The following IQSEC1 variants were observed in gnomAD, a reference collection of about 807,000 sequenced individuals.
The protein encoded by IQSEC1 is IQ motif and Sec7 domain ArfGEF 1, also known as IQ motif and SEC7 domain-containing protein 1.
Under a neutral mutation model 91.0 loss-of-function variants are expected in IQSEC1, and 31 were observed. That is an observed-to-expected ratio of 0.34 (90% CI 0.26 to 0.46). The LOEUF (loss-of-function observed/expected upper bound fraction) is 0.46. IQSEC1 is among the 20% of genes least tolerant of loss of function. IQSEC1 has a pLI of 1.00. For missense variants in IQSEC1, 1,388 were observed against 1,575.6 expected (o/e 0.88, Z 2.02); for synonymous variants, 699 against 662.6 (o/e 1.05, Z -0.84).
rs1280834947 is a variant in IQSEC1, at chr3:13,259,799, C to T, written c.272+22912G>A. On this transcript the variant is annotated intron_variant, in intron 1 of 15. Transcript: ENST00000648114. The surrounding 1 kb of genome is among the most constrained non-coding windows in gnomAD (Gnocchi z 4.6). The stretch of plus-strand genomic sequence containing the variant: ...ATGCCACAAGGGGATGCAAGCCATG[C>T]AGCCAATGCCACCCAAGAAAAGGTC... 6.6e-6 allele frequency among the ~76,000 whole-genome samples: 1 copy of T among 152,256 alleles called. No individual in the cohort carries two copies. The highest frequency in any genetic ancestry group is 2.4e-5 in the African/African-American group (1 of 41,466).
chr3:13,181,319 T>C (rs1693841882), intron 1 of IQSEC1, among the ~76,000 whole-genome samples: 2 of 151,988 alleles, frequency 1.3e-5, no homozygotes, highest in Admixed American at 1.3e-4. Flanking sequence ...AAGCAAAAAC[T>C]AGGACTGAAA....
intron 2 of IQSEC1, among the ~76,000 whole-genome samples, chr3:13,148,927 G>A (rs1210543599): frequency 6.6e-6 from 1 of 152,262 alleles, no homozygotes; most frequent in Non-Finnish European, 1.5e-5. Context: ...GGGAGCCAAG[G>A]CTACAGGGAA....
At position 12,911,730 on chromosome 3, in the gene IQSEC1, T is replaced by C; in HGVS notation, c.2317-2A>G. ...CTTCTTCTGGAAGATCTTGGTGACC[T>C]AGAGGCAGCCAGAGACAGAGCTGAG... On this transcript the variant is annotated splice_acceptor_variant, in intron 9 of 13. Transcript: ENST00000613206. LOFTEE classifies it high-confidence loss of function. 1 of 1,606,860 alleles carries C rather than the reference T, an allele frequency of 6.2e-7. No homozygotes were observed. The highest frequency in any genetic ancestry group is 8.5e-7 in the Non-Finnish European group (1 of 1,175,286).
chr3:13,082,825 C>T (rs1179595114), intron 2 of IQSEC1, among the ~76,000 whole-genome samples: 1 of 152,196 alleles, frequency 6.6e-6, no homozygotes, highest in East Asian at 1.9e-4. Context: ...GGCCATGCCC[C>T]GACTCATGCC....
chr3:13,159,462 C>A (rs1378778652), intron 2 of IQSEC1, among the ~76,000 whole-genome samples: 1 of 152,132 alleles, frequency 6.6e-6, no homozygotes, highest in Admixed American at 6.5e-5. Context: ...CCTGCCCAGA[C>A]CTACTGAGTG....
At chr3:13,061,373 G>T (rs556371454) in intron 1 of IQSEC1, among the ~76,000 whole-genome samples, 1 of 152,206 alleles carries the variant, frequency 6.6e-6, no homozygotes, top group Non-Finnish European at 1.5e-5. Flanking sequence ...CAATGCCCTA[G>T]GCAGTTTTAA....
intron 1 of IQSEC1, among the ~76,000 whole-genome samples, chr3:13,237,643 A>G (rs1694955376): frequency 1.3e-5 from 2 of 152,210 alleles, no homozygotes; most frequent in Non-Finnish European, 2.9e-5. Flanking sequence ...ACTCCACAGG[A>G]AAGCACAGGA....
At chr3:12,971,515 C>G (rs554926025) in intron 1 of IQSEC1, among the ~76,000 whole-genome samples, 1 of 152,324 alleles carries the variant, frequency 6.6e-6, no homozygotes, top group South Asian at 2.1e-4. Flanking sequence ...AAAAAGATGG[C>G]AGCAGCATCT....
chr3:12,941,464 A>T, intron 2 of IQSEC1, 107 bp downstream of exon 2: 1 of 1,174,210 alleles, frequency 8.5e-7, no homozygotes, highest in Non-Finnish European at 1.2e-6. Flanking sequence ...ATGCACCCCA[A>T]CTCAAGTCTA....
In IQSEC1 at chr3:13,174,843, C is replaced by CA. The variant is rs376495429; in HGVS notation, c.273-10711dup. ...TGGTGGTCTTTCTGCTCCCCCCCCC[C>CA]ACCTCCTCCCACCACTGTCTCTCTC... On this transcript the variant is annotated intron_variant, in intron 1 of 15. Coordinates refer to the IQSEC1 transcript ENST00000648114. Among the ~76,000 whole-genome samples, 16 of 151,452 alleles carry CA rather than the reference C, an allele frequency of 1.1e-4. No homozygotes were observed. In the East Asian group the frequency reaches 2.5e-3, roughly 24 times the overall value.
intron 1 of IQSEC1, among the ~76,000 whole-genome samples, chr3:13,046,963 G>T (rs553126971): frequency 2.0e-5 from 3 of 152,260 alleles, no homozygotes; most frequent in Middle Eastern, 3.4e-3. Context: ...GTATTTTTTT[G>T]TGTGTGTGAA....
Position 13,009,267 on chromosome 3 carries a change from C to T in IQSEC1, c.23+63725G>A, listed in dbSNP as rs558295657. On this transcript the variant is annotated intron_variant, in intron 1 of 13. Coordinates refer to ENST00000613206, the MANE Select transcript of IQSEC1 (RefSeq NM_001134382.3). ...TGACAGCCAATCCAGGACCGGTGCC[C>T]GGACTGCCACACCTCTCCATGTGGT... Among the ~76,000 whole-genome samples, 37 of 152,318 alleles carry T rather than the reference C, an allele frequency of 2.4e-4. No homozygotes were observed. The East Asian group carries it at 6.8e-3, about 28-fold the overall frequency.
At chr3:13,085,639 C>G (rs1160181705) in intron 2 of IQSEC1, among the ~76,000 whole-genome samples, 1 of 152,200 alleles carries the variant, frequency 6.6e-6, no homozygotes, top group East Asian at 1.9e-4. Context: ...TAGCCTCTTT[C>G]CAGTTTTACA....
Position 12,909,588 on chromosome 3 carries a change from T to A in IQSEC1, c.2417-154A>T, listed in dbSNP as rs1575865121. Among the ~76,000 whole-genome samples the A allele has an allele frequency of 6.6e-6, 1 of 152,056 alleles. No homozygotes were observed. The highest frequency in any genetic ancestry group is 1.5e-5 in the Non-Finnish European group (1 of 68,004). ...CCTCCGCAGTGGCAGGCTGCAGGGG[T>A]GCAGAGCAACCTCATCTCCCGACTT... On this transcript the variant is annotated intron_variant, in intron 10 of 13. Coordinates refer to ENST00000613206, the MANE Select transcript of IQSEC1 (RefSeq NM_001134382.3). The surrounding 1 kb of genome is among the most constrained non-coding windows in gnomAD (Gnocchi z 4.9).
intron 1 of IQSEC1, among the ~76,000 whole-genome samples, chr3:13,276,342 C>T (rs1422467867): frequency 2.6e-5 from 4 of 152,128 alleles, no homozygotes; most frequent in African/African-American, 9.7e-5. Flanking sequence ...CCCGCCTCGG[C>T]CTCCCAAAGT....
chr3:12,921,307 C>G (rs1374920216), intron 5 of IQSEC1, among the ~76,000 whole-genome samples: 1 of 152,168 alleles, frequency 6.6e-6, no homozygotes, highest in Non-Finnish European at 1.5e-5. Flanking sequence ...GGTGGGTGCA[C>G]CTTGCCTCCC....
chr3:12,934,143 G>A (rs146980512), intron 3 of IQSEC1, among the ~76,000 whole-genome samples: 69 of 152,320 alleles, frequency 4.5e-4, no homozygotes, highest in African/African-American at 1.2e-3. Context: ...GCATTGCTCC[G>A]GCCGTGGCCT....
chr3:12,937,954 C>G (rs1026792973), intron 2 of IQSEC1, among the ~76,000 whole-genome samples: 7 of 152,090 alleles, frequency 4.6e-5, no homozygotes, highest in Admixed American at 3.9e-4. Context: ...AGGGAGAGGG[C>G]GGGGTGAACC....
chr3:12,943,938 G>A (rs142469438), intron 1 of IQSEC1, among the ~76,000 whole-genome samples: 1 of 152,220 alleles, frequency 6.6e-6, no homozygotes, highest in Admixed American at 6.5e-5. Flanking sequence ...GGCCTCCGGG[G>A]TCAGGCAGGG....
Sources: gnomAD v4.1 joint callset for allele counts (sites outside exome capture counted in the v4.1 genomes callset) on GRCh38, gnomAD v4.1.1 for gene constraint, Gnocchi (gnomAD v3.1) non-coding constraint, MANE v1.5 for transcripts, NCBI Gene and HGNC (gene_info 2026-07-23, HGNC 2026-07-21) for gene names.